The following FAM168A variants were observed in gnomAD, a reference collection of about 807,000 sequenced individuals.
FAM168A encodes protein FAM168A.
FAM168A carries 3 observed loss-of-function variants against 28.5 expected under a neutral mutation model. That is an observed-to-expected ratio of 0.11 (90% CI 0.05 to 0.27). The LOEUF is 0.27. Among genes scored for constraint, FAM168A ranks in the 10% least tolerant of loss-of-function variants. The probability of loss-of-function intolerance (pLI) is 1.00; values close to 1 mark genes in which losing one functional copy is unlikely to be tolerated. For synonymous variants in FAM168A, 122 were observed against 124.2 expected (o/e 0.98, Z 0.12); for missense variants, 222 against 311.5 (o/e 0.71, Z 2.16).
At chr11:73,561,009 C>T (rs1464596397) in intron 1 of FAM168A, among the ~76,000 whole-genome samples, 1 of 150,178 alleles carries the variant, frequency 6.7e-6, no homozygotes, top group East Asian at 1.9e-4. Flanking sequence ...TTGCAGTGAG[C>T]CAAGATTGCG....
At chr11:73,469,003 G>A (rs1055708111) in intron 1 of FAM168A, among the ~76,000 whole-genome samples, 4 of 152,266 alleles carry the variant, frequency 2.6e-5, no homozygotes, top group Non-Finnish European at 4.4e-5. Flanking sequence ...TGTCTCATCC[G>A]CCCCTTACAC....
chr11:73,456,797 A>G (rs1867540490), intron 2 of FAM168A, among the ~76,000 whole-genome samples: 1 of 152,250 alleles, frequency 6.6e-6, no homozygotes, highest in Non-Finnish European at 1.5e-5. Context: ...TTTAATGAAG[A>G]GGCTGGTAAA....
chr11:73,537,743 T>C (rs1382824254), intron 1 of FAM168A, among the ~76,000 whole-genome samples: 1 of 152,198 alleles, frequency 6.6e-6, no homozygotes, highest in Admixed American at 6.5e-5. Context: ...ACACAAACAT[T>C]GTGTTATGTT....
At chr11:73,501,287 A>G (rs1037706681) in intron 1 of FAM168A, among the ~76,000 whole-genome samples, 1 of 152,232 alleles carries the variant, frequency 6.6e-6, no homozygotes, top group African/African-American at 2.4e-5. Context: ...CAGATCAATG[A>G]GACAGAAAAT....
At chr11:73,423,213 G>A (rs1866828394) in intron 3 of FAM168A, among the ~76,000 whole-genome samples, 1 of 152,062 alleles carries the variant, frequency 6.6e-6, no homozygotes, top group Non-Finnish European at 1.5e-5. Flanking sequence ...AAAGTTGTAG[G>A]CTACAGCTCT....
chr11:73,497,016 T>C (rs1271396898), intron 1 of FAM168A, among the ~76,000 whole-genome samples: 3 of 152,106 alleles, frequency 2.0e-5, no homozygotes, highest in African/African-American at 4.8e-5. Flanking sequence ...TTTTGAAAAA[T>C]GGCCGAATTC....
chr11:73,529,796 C>CTTCTTTTTTTTTTT (rs1555033111), intron 1 of FAM168A, among the ~76,000 whole-genome samples: 4 of 127,528 alleles, frequency 3.1e-5, no homozygotes, highest in African/African-American at 1.3e-4. Flanking sequence ...ACTTTTTCTT[C>CTTCTTTTTTTTTTT]TTTTTTTTTT....
At chr11:73,597,006 G>A (rs768788408) in intron 1 of FAM168A, among the ~76,000 whole-genome samples, 9 of 152,048 alleles carry the variant, frequency 5.9e-5, no homozygotes, top group African/African-American at 9.7e-5. Context: ...GATGTTTTAT[G>A]TGCCCTCTGC....
At chr11:73,477,802 G>C (rs1867909044) in intron 1 of FAM168A, among the ~76,000 whole-genome samples, 1 of 152,084 alleles carries the variant, frequency 6.6e-6, no homozygotes, top group African/African-American at 2.4e-5. Flanking sequence ...TTCATTGCTA[G>C]CAACCTGCCT....
At chr11:73,479,188 G>A (rs779038858) in intron 1 of FAM168A, among the ~76,000 whole-genome samples, 14 of 152,130 alleles carry the variant, frequency 9.2e-5, no homozygotes, top group African/African-American at 1.4e-4. Context: ...CCTTGAGAAT[G>A]GAGGTCTTAA....
intron 1 of FAM168A, among the ~76,000 whole-genome samples, chr11:73,559,613 T>C (rs1943933479): frequency 6.6e-6 from 1 of 152,202 alleles, no homozygotes; most frequent in African/African-American, 2.4e-5. Flanking sequence ...AGCAGATTAG[T>C]TGCCGCCAGG....
rs944478003 is a variant in FAM168A, at chr11:73,524,279, G to T, written c.-18-55787C>A. 1.1e-4 allele frequency among the ~76,000 whole-genome samples: 17 copies of T among 151,830 alleles called. No homozygotes were observed. In the East Asian group the frequency reaches 3.3e-3, roughly 29 times the overall value. On this transcript the variant is annotated intron_variant, in intron 1 of 7. Coordinates refer to ENST00000356467, the MANE Select transcript of FAM168A (RefSeq NM_015159.3). ...TCATTCAGTGTATTGAGAATTGATAGGGTTTTCAATCTAAGCACATGTGTA... is the reference window on the plus strand; with the variant it reads ...TCATTCAGTGTATTGAGAATTGATATGGTTTTCAATCTAAGCACATGTGTA...
At chr11:73,565,082 G>A (rs967162730) in intron 1 of FAM168A, among the ~76,000 whole-genome samples, 1 of 152,252 alleles carries the variant, frequency 6.6e-6, no homozygotes, top group Non-Finnish European at 1.5e-5. Flanking sequence ...TGCCACAGAA[G>A]CTCATTTAAA....
chr11:73,558,088 A>G (rs1943911056), intron 1 of FAM168A, among the ~76,000 whole-genome samples: 1 of 152,188 alleles, frequency 6.6e-6, no homozygotes, highest in Admixed American at 6.5e-5. Context: ...TGGATTTGGC[A>G]ATGGATTCTG....
chr11:73,494,470 T>C (rs1447431336), intron 1 of FAM168A, among the ~76,000 whole-genome samples: 1 of 152,214 alleles, frequency 6.6e-6, no homozygotes, highest in Non-Finnish European at 1.5e-5. Flanking sequence ...GTTGACACTC[T>C]GAATACCAGG....
chr11:73,509,804 C>T (rs2134635516), intron 1 of FAM168A, among the ~76,000 whole-genome samples: 1 of 152,214 alleles, frequency 6.6e-6, no homozygotes. Flanking sequence ...AGTATGTGTT[C>T]ACTTTCCCTC....
intron 1 of FAM168A, among the ~76,000 whole-genome samples, chr11:73,582,459 C>A (rs1944259959): frequency 6.6e-6 from 1 of 151,494 alleles, no homozygotes; most frequent in Non-Finnish European, 1.5e-5. Flanking sequence ...GGAGGCGGAG[C>A]TTGCAGTGAG....
intron 1 of FAM168A, among the ~76,000 whole-genome samples, chr11:73,590,853 C>T (rs899256124): frequency 6.6e-6 from 1 of 151,958 alleles, no homozygotes; most frequent in Non-Finnish European, 1.5e-5. Context: ...AGGTTGAAGA[C>T]TACTGATTAG....
At chr11:73,483,498 A>C (rs990247572) in intron 1 of FAM168A, among the ~76,000 whole-genome samples, 1 of 152,216 alleles carries the variant, frequency 6.6e-6, no homozygotes, top group Non-Finnish European at 1.5e-5. Context: ...TAATATAATC[A>C]TATCTGTGTT....
Sources: allele counts gnomAD v4.1 joint callset (sites outside exome capture counted in the v4.1 genomes callset), GRCh38; gene constraint gnomAD v4.1.1; transcripts MANE v1.5; gene names NCBI Gene and HGNC (gene_info 2026-07-23, HGNC 2026-07-21).